RCOR3: variants seen among roughly 807,000 people sequenced by gnomAD.
The protein encoded by RCOR3 is REST corepressor 3.
A neutral mutation model predicts 64.1 loss-of-function variants in RCOR3; 13 were observed. The observed-to-expected ratio is 0.20, with a 90% CI of 0.13 to 0.32. RCOR3 has a LOEUF of 0.32. RCOR3 is among the 10% of genes least tolerant of loss of function. RCOR3 has a pLI of 1.00. For synonymous variants in RCOR3, 215 were observed against 239.0 expected (o/e 0.90, Z 0.93); for missense variants, 489 against 701.2 (o/e 0.70, Z 3.42).
In RCOR3 at chr1:211,276,247, C is replaced by T; in HGVS notation, c.355-10C>T. 1 of 1,608,392 alleles carries T rather than the reference C, an allele frequency of 6.2e-7. No individual in the cohort carries two copies. The highest frequency in any genetic ancestry group is 8.5e-7 in the Non-Finnish European group (1 of 1,177,240). On this transcript the variant is annotated splice_polypyrimidine_tract_variant and intron_variant, in intron 4 of 11. Coordinates refer to ENST00000419091, the MANE Select transcript of RCOR3 (RefSeq NM_001136223.3). ...CATTAAAACCAAAGGGGAATGATTT[C>T]TCTTCAAAGGCACTTGGCATGTTGT...
intron 6 of RCOR3, 77 bp downstream of exon 6, chr1:211,278,318 G>A (rs1425793460): frequency 6.9e-7 from 1 of 1,452,686 alleles, no homozygotes; most frequent in Non-Finnish European, 9.5e-7. Context: ...AGGCAGAAAA[G>A]TTATCACAAC....
At chr1:211,278,819 T>C (rs947925847) in intron 6 of RCOR3, among the ~76,000 whole-genome samples, 2 of 152,180 alleles carry the variant, frequency 1.3e-5, no homozygotes, top group Non-Finnish European at 2.9e-5. Flanking sequence ...ACAACTCTTA[T>C]TCTGTTAAAT....
chr1:211,290,661 C>T (rs1163722474), intron 8 of RCOR3, among the ~76,000 whole-genome samples: 1 of 152,156 alleles, frequency 6.6e-6, no homozygotes, highest in Non-Finnish European at 1.5e-5. Context: ...TAGGCATGAG[C>T]CACCACGCTC....
intron 3 of RCOR3, among the ~76,000 whole-genome samples, chr1:211,273,453 T>C (rs1016787682): frequency 1.3e-5 from 2 of 152,200 alleles, no homozygotes; most frequent in African/African-American, 4.8e-5. Context: ...AAAAAGTTAA[T>C]TTATACATAC....
intron 8 of RCOR3, among the ~76,000 whole-genome samples, chr1:211,293,561 C>A (rs561945825): frequency 3.0e-4 from 45 of 152,344 alleles, no homozygotes; most frequent in African/African-American, 1.1e-3. Context: ...TTCCCCACCA[C>A]CTGTTCATCA....
chr1:211,260,787 C>G (rs1303407911), intron 2 of RCOR3: 1 of 152,820 alleles, frequency 6.5e-6, no homozygotes, highest in Admixed American at 6.5e-5. Context: ...AGGCACACCT[C>G]GCTCGCCAGC....
At chr1:211,281,760 C>A (rs993942429) in intron 7 of RCOR3, among the ~76,000 whole-genome samples, 1 of 152,180 alleles carries the variant, frequency 6.6e-6, no homozygotes, top group African/African-American at 2.4e-5. Context: ...GATGTAGCTT[C>A]TCTATGAAAT....
At chr1:211,265,478 G>A (rs1695035790) in intron 2 of RCOR3, among the ~76,000 whole-genome samples, 1 of 152,154 alleles carries the variant, frequency 6.6e-6, no homozygotes, top group Non-Finnish European at 1.5e-5. Context: ...GGCACTTTGG[G>A]AAGCCAAGGC....
Position 211,259,471 on chromosome 1 carries a change from C to T in RCOR3, c.-90C>T. 7.4e-7 allele frequency: 1 copy of T among 1,356,642 alleles called. No individual in the cohort carries two copies. Among genetic ancestry groups the T allele is most frequent in the Non-Finnish European group, 1.0e-6 (1 of 1,001,234 alleles). The allele number at this position is 1,356,642 out of a possible 1,614,324, so 84.0% of individuals were successfully genotyped here. A position where few individuals can be genotyped will look rare whatever the true frequency, so the allele number is the denominator to read the frequency against. On this transcript the variant is annotated 5_prime_UTR_variant, in exon 1 of 12. Coordinates refer to ENST00000419091, the MANE Select transcript of RCOR3 (RefSeq NM_001136223.3). ...GCCGCCGCCGTCTCCTCCTCCTCCT[C>T]CTTTCCCTCCCGCCCGCGCTCTAAG...
At chr1:211,283,812 ATT>A (rs71134672) in intron 7 of RCOR3, among the ~76,000 whole-genome samples, 1 of 134,148 alleles carries the variant, frequency 7.5e-6, no homozygotes, top group Non-Finnish European at 1.6e-5. Context: ...CCTGGCTTGT[ATT>A]TTTTTTTTTT....
chr1:211,272,118 C>T (rs1195167106), intron 3 of RCOR3, among the ~76,000 whole-genome samples: 3 of 152,106 alleles, frequency 2.0e-5, no homozygotes, highest in Non-Finnish European at 2.9e-5. Flanking sequence ...AAATTGAAAA[C>T]TGAGTATGTT....
chr1:211,286,452 C>T lies in RCOR3; in HGVS notation c.721-2726C>T, dbSNP rs150330526. ...CCTCCTGAGTAGCTGGGACTACAGG[C>T]GCATGCCACCATGCTCAGCTTATTT... On this transcript the variant is annotated intron_variant, in intron 7 of 11. Transcript: ENST00000419091. 7.9e-5 allele frequency among the ~76,000 whole-genome samples: 12 copies of T among 151,966 alleles called. No homozygotes were observed. The East Asian group carries it at 1.2e-3, about 15-fold the overall frequency.
In RCOR3 at chr1:211,313,168, C is replaced by T; in HGVS notation, c.1317+207C>T. On this transcript the variant is annotated intron_variant, in intron 11 of 11. Coordinates refer to ENST00000419091, the MANE Select transcript of RCOR3 (RefSeq NM_001136223.3). This position sits in a 1 kb window ranked among gnomAD's most constrained non-coding sequence, Gnocchi z 4.7. ...CTAGAAGAATGGAGAGTGTATTGTT[C>T]TTTCATAGTCTTATTTTTATTTTCA... 1 of 1,441,342 alleles carries T rather than the reference C, an allele frequency of 6.9e-7. No individual in the cohort carries two copies. The highest frequency in any genetic ancestry group is 9.1e-7 in the Non-Finnish European group (1 of 1,104,636). 89.3% of individuals were successfully genotyped at this position (1,441,342 alleles called of 1,614,324 possible). A position where few individuals can be genotyped will look rare whatever the true frequency, so the allele number is the denominator to read the frequency against.
Position 211,313,501 on chromosome 1 carries a change from T to C in RCOR3, c.1395T>C (p.Pro465=). The C allele has an allele frequency of 6.2e-7, 1 of 1,614,124 alleles. No homozygotes were observed. Among genetic ancestry groups the C allele is most frequent in the Non-Finnish European group, 8.5e-7 (1 of 1,180,028 alleles). Residue 465 remains proline (P), a synonymous_variant, in exon 12 of 12, where the codon CCT becomes CCC. Transcript: ENST00000419091. This position sits in a 1 kb window ranked among gnomAD's most constrained non-coding sequence, Gnocchi z 4.7. The part of the protein sequence containing the change: ...APSSTPTPTA[P]IATLNQPPPL... ...CATCCACTCCAACACCAACAGCCCC[T>C]ATTGCCACTCTGAACCAGCCTCCAC...
In RCOR3 at chr1:211,312,955, A is replaced by G; in HGVS notation, c.1311A>G (p.Glu437=). Residue 437 remains glutamate, a synonymous_variant, in exon 11 of 12, where the codon GAA becomes GAG. Transcript: ENST00000419091. The surrounding 1 kb of genome is among the most constrained non-coding windows in gnomAD (Gnocchi z 5.0). ...NVPSGKSTDE[E]EEAQTPQAPR... ...CATCAGGGAAGAGCACTGATGAAGA[A>G]GAGGAGGTGTGTTTGTGTATGGAAT... 1 of 1,614,220 alleles carries G rather than the reference A, an allele frequency of 6.2e-7. No homozygotes were observed. Among genetic ancestry groups the G allele is most frequent in the Non-Finnish European group, 8.5e-7 (1 of 1,180,038 alleles).
intron 10 of RCOR3, among the ~76,000 whole-genome samples, chr1:211,308,673 G>GTTTTTTTT (rs545513442): frequency 6.9e-4 from 28 of 40,470 alleles, no homozygotes; most frequent in South Asian, 1.1e-3. Flanking sequence ...TTTTTTTTTT[G>GTTTTTTTT]TTTTTTTTTT....
In RCOR3 at chr1:211,289,254, A is replaced by G; in HGVS notation, c.797A>G (p.His266Arg). The change falls in exon 8 of 12, where the codon CAT becomes CGT. Residue 266 changes from histidine to arginine, a missense_variant. Coordinates refer to ENST00000419091, the MANE Select transcript of RCOR3 (RefSeq NM_001136223.3). The stretch of plus-strand genomic sequence containing the variant: ...GAGTATCAGAGTTTACAACATCGCC[A>G]TCATTCTCAGCGTTCTAAGTGCCGT... The part of the protein sequence containing the change: ...RREYQSLQHR[H>R]HSQRSKCRPP... 8.1e-6 allele frequency: 13 copies of G among 1,614,128 alleles called. No homozygotes were observed. The highest frequency in any genetic ancestry group is 1.1e-5 in the Non-Finnish European group (13 of 1,180,012).
At chr1:211,287,418 C>T (rs540372887) in intron 7 of RCOR3, among the ~76,000 whole-genome samples, 10 of 152,252 alleles carry the variant, frequency 6.6e-5, no homozygotes, top group African/African-American at 1.9e-4. Flanking sequence ...TTTCTGGCCT[C>T]GGAAGAATTT....
intron 2 of RCOR3, among the ~76,000 whole-genome samples, chr1:211,266,974 A>G (rs140723451): frequency 0.027 from 4,051 of 152,312 alleles, 73 homozygotes; most frequent in Non-Finnish European, 0.038. Flanking sequence ...TTTGAGATAC[A>G]GCCCCTTGAG....
Sources: allele counts gnomAD v4.1 joint callset (sites outside exome capture counted in the v4.1 genomes callset), GRCh38; gene constraint gnomAD v4.1.1; non-coding constraint Gnocchi (gnomAD v3.1); transcripts MANE v1.5; gene names NCBI Gene and HGNC (gene_info 2026-07-23, HGNC 2026-07-21).